The following SCOC variants were observed in gnomAD, a reference collection of about 807,000 sequenced individuals.
SCOC encodes short coiled-coil protein.
In SCOC, 7 loss-of-function variants were observed where a neutral mutation model predicts 9.9. That is an observed-to-expected ratio of 0.71 (90% confidence interval 0.40 to 1.33). The LOEUF (loss-of-function observed/expected upper bound fraction) is 1.33, where lower values mean the gene tolerates loss of function less well. SCOC is among the 40% of genes most tolerant of loss of function. The pLI is 0.01. For synonymous variants in SCOC, 19 were observed against 28.2 expected, an observed-to-expected ratio of 0.67 and a Z score of 1.03; for missense variants, 66 against 89.7, an observed-to-expected ratio of 0.74 and a Z score of 1.07.
At chr4:140,317,572 C>T (rs1002598216) in intron 1 of SCOC, among the ~76,000 whole-genome samples, 17 of 151,186 alleles carry the variant, frequency 1.1e-4, no homozygotes, top group Non-Finnish European at 2.4e-4. Flanking sequence ...ACTGGGGGAG[C>T]TCAGTTTTTG....
At chr4:140,378,210 T>C (rs757615166) in intron 1 of SCOC, among the ~76,000 whole-genome samples, 15 of 152,126 alleles carry the variant, frequency 9.9e-5, no homozygotes, top group Admixed American at 9.8e-4. Context: ...ATATTTTAGA[T>C]GGTCTAGTAT....
In SCOC at chr4:140,381,113, C is replaced by T. The variant is rs377123717; in HGVS notation, c.*9C>T. On this transcript the variant is annotated 3_prime_UTR_variant, in exon 4 of 4. Transcript: ENST00000608372. ...AAAGCAAAAGAAAGTAAGGGATTGA[C>T]ACCCTTCTGTTTTATGGAATTGCTG... The T allele has an allele frequency of 8.8e-6, 14 of 1,583,170 alleles. No individual in the cohort carries two copies. In the East Asian group the frequency reaches 1.4e-4, roughly 16 times the overall value.
intron 1 of SCOC, among the ~76,000 whole-genome samples, chr4:140,330,690 A>G (rs180757283): frequency 4.2e-4 from 64 of 152,370 alleles, no homozygotes; most frequent in African/African-American, 1.3e-3. Flanking sequence ...TCTCAATAGT[A>G]GACATGTTTT....
chr4:140,312,675 T>A (rs765923020), intron 1 of SCOC, among the ~76,000 whole-genome samples: 64 of 152,188 alleles, frequency 4.2e-4, no homozygotes, highest in Admixed American at 5.2e-4. Context: ...AAGTGATCCT[T>A]CTGCCTCACT....
At position 140,300,144 on chromosome 4, in the gene SCOC, T is replaced by C. The variant is rs1216250294; in HGVS notation, c.-19+42734T>C. ...AAAGGCCGCAGGTTTGATGAGCACATGGCATCATCCCCGCTTTATTTGTGA... is the reference window on the plus strand; with the variant it reads ...AAAGGCCGCAGGTTTGATGAGCACACGGCATCATCCCCGCTTTATTTGTGA... On this transcript the variant is annotated intron_variant, in intron 1 of 4. Transcript: ENST00000394205. Among the ~76,000 whole-genome samples the C allele has an allele frequency of 2.0e-5, 3 of 152,198 alleles. No homozygotes were observed. In the South Asian group the frequency reaches 6.2e-4, roughly 31 times the overall value.
At chr4:140,329,485 A>G (rs1314991556) in intron 1 of SCOC, among the ~76,000 whole-genome samples, 2 of 152,248 alleles carry the variant, frequency 1.3e-5, no homozygotes, top group African/African-American at 4.8e-5. Context: ...CTGCATAGCT[A>G]AAGAAATAAG....
At chr4:140,376,471 A>G (rs753319047) in intron 1 of SCOC, 1 of 151,824 alleles carries the variant, frequency 6.6e-6, no homozygotes. Flanking sequence ...CGGTTTTTTC[A>G]CTGTGCAACA....
rs1728565944 is a variant in SCOC at position 140,381,316 on chromosome 4, C to CT, written c.*215dup. The CT allele has an allele frequency of 5.2e-6, 2 of 387,614 alleles. No individual in the cohort carries two copies. Among genetic ancestry groups the CT allele is most frequent in the Non-Finnish European group, 9.3e-6 (2 of 215,028 alleles). 24.0% of individuals were successfully genotyped at this position (387,614 alleles called of 1,614,324 possible). A position where few individuals can be genotyped will look rare whatever the true frequency, so the allele number is the denominator to read the frequency against. ...AAAACGTGCAAATGTATTGTAGAGA[C>CT]TTTATGATTAGAATTGCATATATTT... On this transcript the variant is annotated 3_prime_UTR_variant, in exon 4 of 4. Transcript: ENST00000608372.
rs73855734 is a variant in SCOC at position 140,306,565 on chromosome 4, G to C, written c.-18-37056G>C. Among the ~76,000 whole-genome samples the C allele has an allele frequency of 1.2e-3, 190 of 152,184 alleles. 1 individual carries two copies. Among genetic ancestry groups the C allele is most frequent in the African/African-American group, 4.4e-3 (183 of 41,514 alleles). Reference sequence around the variant, plus strand: ...AATGGCAAGAACTAGAGGTATCAAGGAGATGTGCCTGGACCACCCAGACAA... The same window carrying C: ...AATGGCAAGAACTAGAGGTATCAAGCAGATGTGCCTGGACCACCCAGACAA... On this transcript the variant is annotated intron_variant, in intron 1 of 4. Coordinates refer to the SCOC transcript ENST00000394205.
chr4:140,379,263 A>G, intron 2 of SCOC, 71 bp downstream of exon 2: 2 of 1,001,642 alleles, frequency 2.0e-6, no homozygotes, highest in Non-Finnish European at 3.2e-6. Flanking sequence ...AGCAATGGAA[A>G]GGGCAGAGAA....
intron 2 of SCOC, among the ~76,000 whole-genome samples, chr4:140,367,729 T>G (rs956000294): frequency 2.0e-5 from 3 of 152,192 alleles, no homozygotes; most frequent in Admixed American, 2.0e-4. Flanking sequence ...CCAGCTGACA[T>G]GATTGAAAAT....
chr4:140,284,365 G>C (rs1214614933), intron 1 of SCOC: 2 of 152,306 alleles, frequency 1.3e-5, no homozygotes, highest in South Asian at 4.1e-4. Context: ...CCAGTGTGAT[G>C]AGGCTGGGAA....
At chr4:140,350,199 T>A (rs1375689127) in intron 2 of SCOC, among the ~76,000 whole-genome samples, 4 of 152,194 alleles carry the variant, frequency 2.6e-5, no homozygotes, top group Non-Finnish European at 1.5e-5. Context: ...CCAGGCTGTG[T>A]TAGATTTCCT....
intron 1 of SCOC, among the ~76,000 whole-genome samples, chr4:140,311,409 G>A (rs1477144812): frequency 6.6e-6 from 1 of 152,094 alleles, no homozygotes; most frequent in Non-Finnish European, 1.5e-5. Flanking sequence ...CCCTTATGTT[G>A]AGTGAATCTA....
intron 2 of SCOC, among the ~76,000 whole-genome samples, chr4:140,348,204 A>G (rs1726823077): frequency 6.6e-6 from 1 of 152,122 alleles, no homozygotes; most frequent in African/African-American, 2.4e-5. Flanking sequence ...TTAAGTATAC[A>G]ATATATTGTT....
chr4:140,260,765 G>T (rs565899738), intron 1 of SCOC, among the ~76,000 whole-genome samples: 15 of 152,296 alleles, frequency 9.8e-5, no homozygotes, highest in African/African-American at 3.6e-4. Flanking sequence ...TTCTATTTAT[G>T]TGTAATATAT....
intron 2 of SCOC, among the ~76,000 whole-genome samples, chr4:140,346,908 T>C (rs558091741): frequency 7.9e-4 from 120 of 152,266 alleles, no homozygotes; most frequent in Non-Finnish European, 1.3e-3. Context: ...TGGCTGGTGG[T>C]CACTCATTGT....
rs113683324 is a variant in SCOC at position 140,280,302 on chromosome 4, GT to G, written c.-19+22899del. ...TGCTAATTTTTGTATTTGTATTTTTGTTTTTTTGTAGAGACAGGGTTTTGCT... is the reference window on the plus strand; with the variant it reads ...TGCTAATTTTTGTATTTGTATTTTTGTTTTTTGTAGAGACAGGGTTTTGCT... On this transcript the variant is annotated intron_variant, in intron 1 of 4. Coordinates refer to the SCOC transcript ENST00000394205. Among the ~76,000 whole-genome samples, 465 of 152,082 alleles carry G rather than the reference GT, an allele frequency of 3.1e-3. 4 individuals carry two copies. Among genetic ancestry groups the G allele is most frequent in the Middle Eastern group, 0.014 (4 of 294 alleles).
intron 1 of SCOC, among the ~76,000 whole-genome samples, chr4:140,309,979 A>G (rs553639778): frequency 3.9e-5 from 6 of 152,172 alleles, no homozygotes; most frequent in African/African-American, 1.2e-4. Flanking sequence ...GCCCTTTCCC[A>G]TGTAGATCAA....
Sources: gnomAD v4.1 joint callset for allele counts (sites outside exome capture counted in the v4.1 genomes callset) on GRCh38, gnomAD v4.1.1 for gene constraint, MANE v1.5 for transcripts, NCBI Gene and HGNC (gene_info 2026-07-23, HGNC 2026-07-21) for gene names.